The following ENPP6 variants were observed in gnomAD, a reference collection of about 807,000 sequenced individuals.
ENPP6 encodes the protein ectonucleotide pyrophosphatase/phosphodiesterase 6, also known as glycerophosphocholine cholinephosphodiesterase ENPP6.
Under a neutral mutation model 42.0 loss-of-function variants are expected in ENPP6, and 32 were observed. The ratio of observed to expected loss-of-function variants is 0.76; its 90% CI spans 0.58 to 1.02. The LOEUF (loss-of-function observed/expected upper bound fraction) is 1.02. ENPP6 is among the 50% of genes least tolerant of loss of function. The pLI is 0.00. For missense variants in ENPP6, 552 were observed against 566.8 expected (o/e 0.97, Z 0.27); for synonymous variants, 213 against 216.0 (o/e 0.99, Z 0.12).
chr4:184,168,627 G>T (rs1737400819), intron 1 of ENPP6, among the ~76,000 whole-genome samples: 1 of 152,146 alleles, frequency 6.6e-6, no homozygotes, highest in Non-Finnish European at 1.5e-5. Flanking sequence ...CTTCACCACC[G>T]CCCGCAGCCG....
At chr4:184,136,783 A>T (rs1240815326) in intron 2 of ENPP6, among the ~76,000 whole-genome samples, 1 of 152,094 alleles carries the variant, frequency 6.6e-6, no homozygotes, top group African/African-American at 2.4e-5. Flanking sequence ...TTTGGTTTTC[A>T]CCAGTTCTGA....
intron 7 of ENPP6, among the ~76,000 whole-genome samples, chr4:184,091,665 G>T (rs1735804431): frequency 6.6e-6 from 1 of 152,122 alleles, no homozygotes; most frequent in Non-Finnish European, 1.5e-5. Context: ...TCAGCAAGTT[G>T]GGAGGGCGAG....
At chr4:184,137,056 A>T (rs1736740299) in intron 2 of ENPP6, among the ~76,000 whole-genome samples, 1 of 152,042 alleles carries the variant, frequency 6.6e-6, no homozygotes, top group South Asian at 2.1e-4. Flanking sequence ...ATTTTAATTT[A>T]CTACTGCAGG....
chr4:184,100,319 C>T (rs1440367409), intron 6 of ENPP6, among the ~76,000 whole-genome samples: 1 of 152,198 alleles, frequency 6.6e-6, no homozygotes, highest in African/African-American at 2.4e-5. Flanking sequence ...ACATTATCTT[C>T]TCAAGGGCAT....
At chr4:184,159,520 A>G (rs1473968923) in intron 1 of ENPP6, among the ~76,000 whole-genome samples, 1 of 152,230 alleles carries the variant, frequency 6.6e-6, no homozygotes, top group Admixed American at 6.5e-5. Context: ...TGGACTGAGG[A>G]CTAGCAAGGA....
At position 184,169,577 on chromosome 4, in the gene ENPP6, T is replaced by C. The variant is rs77644338; in HGVS notation, c.242-15844A>G. 6.6e-4 allele frequency among the ~76,000 whole-genome samples: 101 copies of C among 152,344 alleles called. 4 individuals are homozygous for C. The East Asian group carries it at 0.019, about 29-fold the overall frequency. ...CTCCTCTCTCTGCCGTCATCACGTTTCTGGCCACCTTGCCCTCCTCCTCTG... is the reference window on the plus strand; with the variant it reads ...CTCCTCTCTCTGCCGTCATCACGTTCCTGGCCACCTTGCCCTCCTCCTCTG... On this transcript the variant is annotated intron_variant, in intron 1 of 7. Transcript: ENST00000296741.
At chr4:184,117,533 G>A (rs756449913) in intron 4 of ENPP6, among the ~76,000 whole-genome samples, 7 of 152,224 alleles carry the variant, frequency 4.6e-5, no homozygotes, top group African/African-American at 1.2e-4. Flanking sequence ...TGAGCCAGGC[G>A]AGAAAGCACA....
chr4:184,212,836 C>G (rs2111126147), intron 1 of ENPP6, among the ~76,000 whole-genome samples: 1 of 152,210 alleles, frequency 6.6e-6, no homozygotes, highest in Admixed American at 6.5e-5. Flanking sequence ...TGACTTCAAA[C>G]TATACTACAA....
In ENPP6 at chr4:184,116,810, C is replaced by T. The variant is rs780563525; in HGVS notation, c.855+46G>A. On this transcript the variant is annotated intron_variant, in intron 5 of 7. Coordinates refer to ENST00000296741, the MANE Select transcript of ENPP6 (RefSeq NM_153343.4). The stretch of plus-strand genomic sequence containing the variant: ...AAAAGACAGTGCAGATGGCAACACA[C>T]GAGGGCCCACATGGCCCTCCTCCGC... 8 of 1,601,600 alleles carry T rather than the reference C, an allele frequency of 5.0e-6. No individual in the cohort carries two copies. In the South Asian group the frequency reaches 5.5e-5, roughly 11 times the overall value.
intron 3 of ENPP6, among the ~76,000 whole-genome samples, chr4:184,120,900 A>C (rs1442883407): frequency 6.6e-6 from 1 of 152,152 alleles, no homozygotes; most frequent in African/African-American, 2.4e-5. Flanking sequence ...AGGACTGAGG[A>C]GTTGACCCTG....
chr4:184,131,259 T>C (rs866032360), intron 2 of ENPP6, among the ~76,000 whole-genome samples: 18 of 73,340 alleles, frequency 2.5e-4, no homozygotes, highest in South Asian at 1.4e-3. Flanking sequence ...TTTCTCTTTC[T>C]CTTCCTTCCT....
rs1732887178 is a variant in ENPP6, at chr4:184,201,050, G to A, written c.241+16529C>T. On this transcript the variant is annotated intron_variant, in intron 1 of 7. Coordinates refer to ENST00000296741, the MANE Select transcript of ENPP6 (RefSeq NM_153343.4). Reference sequence around the variant, plus strand: ...GGATCTTCTCTCCTTGCTGTCGAAAGGGCTGATGATGGGAGTCGGTTCAGA... The same window carrying A: ...GGATCTTCTCTCCTTGCTGTCGAAAAGGCTGATGATGGGAGTCGGTTCAGA... Among the ~76,000 whole-genome samples the A allele has an allele frequency of 1.3e-5, 2 of 152,152 alleles. 1 individual carries two copies. Among genetic ancestry groups the A allele is most frequent in the East Asian group, 3.9e-4 (2 of 5,186 alleles).
At position 184,097,339 on chromosome 4, in the gene ENPP6, G is replaced by C. The variant is rs763012741; in HGVS notation, c.1023C>G (p.Asn341Lys). The C allele has an allele frequency of 1.1e-5, 18 of 1,614,084 alleles. No individual in the cohort carries two copies. Among genetic ancestry groups the C allele is most frequent in the Non-Finnish European group, 8.5e-7 (1 of 1,180,034 alleles). ...ENREMLPFWM[N>K]STGRREGWQR... ...GCCAACCTTCCCGCCTGCCGGTGCTGTTCATCCAAAACGGAAGCATCTCTC... is the reference window on the plus strand; with the variant it reads ...GCCAACCTTCCCGCCTGCCGGTGCTCTTCATCCAAAACGGAAGCATCTCTC... The change falls in exon 7 of 8, where the codon AAC (asparagine) becomes AAG (lysine). Residue 341 changes from asparagine (N) to lysine (K), a missense_variant. Asn to Lys is a moderately conservative substitution (Grantham distance 94). Around this residue, in one of 2 missense-constraint regions of ENPP6, gnomAD observed 545 missense variants for 546.3 expected, o/e 1.00. Coordinates refer to ENST00000296741, the MANE Select transcript of ENPP6 (RefSeq NM_153343.4).
At chr4:184,102,850 T>C (rs1010632322) in intron 6 of ENPP6, among the ~76,000 whole-genome samples, 5 of 152,260 alleles carry the variant, frequency 3.3e-5, no homozygotes, top group Non-Finnish European at 7.3e-5. Flanking sequence ...CCGGGATATT[T>C]GCATTCAGCA....
At chr4:184,095,654 CA>C (rs71700505) in intron 7 of ENPP6, among the ~76,000 whole-genome samples, 4,010 of 139,668 alleles carry the variant, frequency 0.029, 81 homozygotes, top group Middle Eastern at 0.055. Context: ...GAAACTGTCT[CA>C]AAAAAAAAAA....
At chr4:184,208,658 G>C (rs112619906) in intron 1 of ENPP6, among the ~76,000 whole-genome samples, 1 of 149,262 alleles carries the variant, frequency 6.7e-6, no homozygotes, top group Non-Finnish European at 1.5e-5. Flanking sequence ...CAGCGAGGCT[G>C]GGGGAGGGGC....
intron 3 of ENPP6, among the ~76,000 whole-genome samples, chr4:184,123,546 C>T (rs757019522): frequency 6.6e-6 from 1 of 152,184 alleles, no homozygotes; most frequent in Non-Finnish European, 1.5e-5. Flanking sequence ...CTTGGGCTCC[C>T]ATCTTGACTT....
chr4:184,181,630 A>G (rs1732552744), intron 1 of ENPP6, among the ~76,000 whole-genome samples: 1 of 152,226 alleles, frequency 6.6e-6, no homozygotes, highest in Non-Finnish European at 1.5e-5. Flanking sequence ...GGCTACAGTA[A>G]CCAAAACAGC....
intron 2 of ENPP6, 89 bp from the exon 3 acceptor site, chr4:184,124,361 C>A: frequency 1.1e-6 from 1 of 891,768 alleles, no homozygotes; most frequent in Non-Finnish European, 1.8e-6. Context: ...CACCATTAGT[C>A]AAAATCAAAA....
Sources: gnomAD v4.1 joint callset for allele counts (sites outside exome capture counted in the v4.1 genomes callset) on GRCh38, gnomAD v4.1.1 for gene constraint, gnomAD v4.1.1 regional missense constraint, MANE v1.5 for transcripts, NCBI Gene and HGNC (gene_info 2026-07-23, HGNC 2026-07-21) for gene names.